KCNJ15: variants seen among roughly 807,000 people sequenced by gnomAD.
KCNJ15 encodes ATP-sensitive inward rectifier potassium channel 15.
KCNJ15 carries 14 observed loss-of-function variants against 23.0 expected under a neutral mutation model. The observed-to-expected ratio is 0.61, with a 90% CI of 0.40 to 0.95. The LOEUF (loss-of-function observed/expected upper bound fraction) is 0.95, where lower values mean the gene tolerates loss of function less well. Ranked by LOEUF, KCNJ15 falls within the 40% of genes least tolerant of loss-of-function variation. KCNJ15 has a pLI of 0.00. For synonymous variants in KCNJ15, 185 were observed against 183.2 expected (o/e 1.01, Z -0.08); for missense variants, 388 against 461.8 (o/e 0.84, Z 1.46).
intron 1 of KCNJ15, among the ~76,000 whole-genome samples, chr21:38,290,995 A>AACACACACACACACAC (rs57018976): frequency 0.017 from 2,186 of 127,180 alleles, 45 homozygotes; most frequent in African/African-American, 0.056. Context: ...AAAAAGGCTA[A>AACACACACACACACAC]ACACACACAC....
At chr21:38,265,421 G>A (rs1409805818) in intron 1 of KCNJ15, among the ~76,000 whole-genome samples, 1 of 152,150 alleles carries the variant, frequency 6.6e-6, no homozygotes, top group African/African-American at 2.4e-5. Context: ...CAATATCCTG[G>A]GAATGTTCCC....
At chr21:38,243,587 A>C (rs1450757736) in intron 1 of KCNJ15, among the ~76,000 whole-genome samples, 1 of 152,016 alleles carries the variant, frequency 6.6e-6, no homozygotes, top group East Asian at 1.9e-4. Flanking sequence ...ATGCCCTGCT[A>C]ATTTTTGTAT....
chr21:38,273,315 A>G (rs935520757), intron 1 of KCNJ15, among the ~76,000 whole-genome samples: 14 of 152,320 alleles, frequency 9.2e-5, no homozygotes, highest in East Asian at 1.9e-4. Flanking sequence ...CTTACTGGCA[A>G]TGTTTGAAAG....
chr21:38,238,566 A>G (rs1978779821), intron 1 of KCNJ15: 1 of 629,528 alleles, frequency 1.6e-6, no homozygotes, highest in Non-Finnish European at 3.0e-6. Context: ...GGGAGAAGGC[A>G]GTCACTAGGC....
At chr21:38,267,838 C>T (rs1981624839) in intron 1 of KCNJ15, among the ~76,000 whole-genome samples, 1 of 152,132 alleles carries the variant, frequency 6.6e-6, no homozygotes, top group Admixed American at 6.5e-5. Flanking sequence ...ATTTGACAAA[C>T]CTATTCCCCT....
At chr21:38,295,925 A>G (rs910040711) in intron 1 of KCNJ15, among the ~76,000 whole-genome samples, 2 of 152,246 alleles carry the variant, frequency 1.3e-5, no homozygotes, top group African/African-American at 4.8e-5. Context: ...CTGTGGCCAC[A>G]CTGGCAGGAT....
At chr21:38,255,492 C>T (rs1020317241), upstream of KCNJ15, among the ~76,000 whole-genome samples, 1 of 152,154 alleles carries the variant, frequency 6.6e-6, no homozygotes, top group African/African-American at 2.4e-5. Flanking sequence ...GCCCTGAACC[C>T]CTGGGAGCCC....
chr21:38,273,253 T>C (rs766730464), intron 1 of KCNJ15, among the ~76,000 whole-genome samples: 18 of 152,256 alleles, frequency 1.2e-4, no homozygotes, highest in Non-Finnish European at 1.6e-4. Context: ...GATTGTCTAG[T>C]TGGTCACATT....
intron 1 of KCNJ15, among the ~76,000 whole-genome samples, chr21:38,237,023 C>T (rs1002645065): frequency 2.0e-5 from 3 of 152,126 alleles, no homozygotes; most frequent in African/African-American, 7.2e-5. Context: ...ATCCTTGGCA[C>T]AGGCGTGGTA....
chr21:38,300,148 G>A lies in KCNJ15; in HGVS notation c.887G>A (p.Ser296Asn). 1 of 1,614,208 alleles carries A rather than the reference G, an allele frequency of 6.2e-7. No individual in the cohort carries two copies. Among genetic ancestry groups the A allele is most frequent in the Non-Finnish European group, 8.5e-7 (1 of 1,180,040 alleles). The change falls in exon 3 of 3, where the codon AGC becomes AAC. Residue 296 changes from serine to asparagine, a missense_variant. Ser to Asn is a conservative substitution (Grantham distance 46). Transcript: ENST00000398938. ...TVESTSAVCQ[S>N]RTSYIPEEIY... ...GAATCCACCAGCGCTGTCTGCCAGA[G>A]CCGAACATCTTATATCCCAGAGGAA...
chr21:38,256,408 G>GA (rs887375749), upstream of KCNJ15, among the ~76,000 whole-genome samples: 3 of 132,678 alleles, frequency 2.3e-5, no homozygotes, highest in South Asian at 6.7e-4. Flanking sequence ...CAGGGCAATA[G>GA]AAAAAAATCA....
At chr21:38,247,479 C>T (rs1019183976) in intron 1 of KCNJ15, among the ~76,000 whole-genome samples, 4 of 108,702 alleles carry the variant, frequency 3.7e-5, no homozygotes, top group Admixed American at 1.9e-4. Flanking sequence ...TATGGATAAA[C>T]GGATGGATAG....
At chr21:38,289,218 A>C (rs1984322760) in intron 1 of KCNJ15, among the ~76,000 whole-genome samples, 1 of 145,470 alleles carries the variant, frequency 6.9e-6, no homozygotes. Context: ...AAAAAAAAAA[A>C]GGTCAAATAC....
chr21:38,230,122 CT>C (rs1988691644), intron 1 of KCNJ15, among the ~76,000 whole-genome samples: 2 of 151,724 alleles, frequency 1.3e-5, no homozygotes, highest in Admixed American at 6.6e-5. Flanking sequence ...CAAAATTTTT[CT>C]TTTTTTTAAT....
At chr21:38,288,018 G>GCTTTTTTCTTTTTT (rs1984096468) in intron 1 of KCNJ15, among the ~76,000 whole-genome samples, 2 of 26,028 alleles carry the variant, frequency 7.7e-5, no homozygotes, top group South Asian at 1.8e-3. Context: ...TAAATAACTT[G>GCTTTTTTCTTTTTT]TTTTTTTCTT....
At chr21:38,258,111 A>AT (rs35950442) in intron 1 of KCNJ15, among the ~76,000 whole-genome samples, 1 of 151,830 alleles carries the variant, frequency 6.6e-6, no homozygotes, top group Non-Finnish European at 1.5e-5. Flanking sequence ...CTTAAAATTC[A>AT]TTTTTTGCAA....
In KCNJ15 at chr21:38,304,331, A is replaced by G. The variant is rs1324197559; in HGVS notation, c.*3942A>G. The G allele has an allele frequency of 1.5e-5, 2 of 137,192 alleles. No homozygotes were observed. The highest frequency in any genetic ancestry group is 3.0e-5 in the Non-Finnish European group (2 of 65,858). 8.5% of individuals were successfully genotyped at this position (137,192 alleles called of 1,614,324 possible). ...TGTTCTCATTGTTCAATTTCCACCT[A>G]TGAGTGAGAACATGCGGTGTTTGGT... On this transcript the variant is annotated 3_prime_UTR_variant, in exon 3 of 3. Transcript: ENST00000398938.
At chr21:38,291,783 C>A (rs1030877970) in intron 1 of KCNJ15, 1 of 152,224 alleles carries the variant, frequency 6.6e-6, no homozygotes, top group Non-Finnish European at 1.5e-5. Flanking sequence ...ATCAACCCCT[C>A]CAGGTGATTC....
chr21:38,279,682 C>T lies in KCNJ15; in HGVS notation c.-116-17244C>T, dbSNP rs186897919. ...CCTCAAGGAAGTGGAAGCAAAGTAT[C>T]GCTTCTGTCCTTTTTAAAGCTCTTC... On this transcript the variant is annotated intron_variant, in intron 1 of 2. Coordinates refer to ENST00000398938, the MANE Select transcript of KCNJ15 (RefSeq NM_170736.3). Among the ~76,000 whole-genome samples, 30 of 152,232 alleles carry T rather than the reference C, an allele frequency of 2.0e-4. No individual in the cohort carries two copies. In the East Asian group the frequency reaches 3.3e-3, roughly 17 times the overall value.
Sources: allele counts gnomAD v4.1 joint callset (sites outside exome capture counted in the v4.1 genomes callset), GRCh38; gene constraint gnomAD v4.1.1; transcripts MANE v1.5; gene names NCBI Gene and HGNC (gene_info 2026-07-23, HGNC 2026-07-21).